Variants in ZNF560 observed in about 807,000 individuals in gnomAD.
ZNF560 encodes zinc finger protein 560.
In ZNF560, 54 loss-of-function variants were observed where a neutral mutation model predicts 81.8. The ratio of observed to expected loss-of-function variants is 0.66; its 90% confidence interval spans 0.53 to 0.83. The LOEUF is 0.83. ZNF560 is among the 40% of genes least tolerant of loss of function. The probability of loss-of-function intolerance (pLI) is 0.00; values close to 1 mark genes in which losing one functional copy is unlikely to be tolerated. For synonymous variants in ZNF560, 321 were observed against 317.9 expected (o/e 1.01, Z -0.10); for missense variants, 940 against 932.4 (o/e 1.01, Z -0.11).
intron 2 of ZNF560, among the ~76,000 whole-genome samples, chr19:9,497,534 CAAAAA>C (rs58468618): frequency 4.4e-5 from 3 of 67,554 alleles, no homozygotes; most frequent in African/African-American, 1.3e-4. Flanking sequence ...GACCCCCTCT[CAAAAA>C]AAAAAAAAAA....
At chr19:9,493,031 A>G (rs767776355) in intron 2 of ZNF560, among the ~76,000 whole-genome samples, 12 of 152,232 alleles carry the variant, frequency 7.9e-5, no homozygotes, top group African/African-American at 9.6e-5. Context: ...TAATCTATTA[A>G]CTGAAGGGAT....
At chr19:9,470,276 T>TCA in intron 7 of ZNF560, 116 bp downstream of exon 7, 1 of 1,401,524 alleles carries the variant, frequency 7.1e-7, no homozygotes, top group East Asian at 2.3e-5. Flanking sequence ...AAATTTTTTT[T>TCA]CAGTGTGTAT....
chr19:9,482,251 A>T (rs1032804713), intron 2 of ZNF560, among the ~76,000 whole-genome samples: 1 of 151,612 alleles, frequency 6.6e-6, no homozygotes, highest in African/African-American at 2.4e-5. Context: ...AGGGTGGGGA[A>T]TATCACACAC....
the ZNF560 span, among the ~76,000 whole-genome samples, chr19:9,455,448 T>A: frequency 6.6e-6 from 1 of 152,144 alleles, no homozygotes; most frequent in Admixed American, 6.5e-5. Flanking sequence ...ACCGACCAAC[T>A]TTTGAGAGTT....
rs141562027 is a variant in ZNF560 at position 9,467,352 on chromosome 19, C to G, written c.1595G>C (p.Arg532Pro). 1.9e-6 allele frequency: 3 copies of G among 1,613,892 alleles called. No individual in the cohort carries two copies. Among genetic ancestry groups the G allele is most frequent in the Non-Finnish European group, 2.5e-6 (3 of 1,180,018 alleles). Residue 532 changes from arginine (R) to proline (P), a missense_variant, in exon 10 of 10, where the codon CGT becomes CCT. Transcript: ENST00000301480. ...GKPFTSSACL[R>P]IHMRTHTEER... ...TTCTGTGTGAGTTCGCATGTGAATA[C>G]GAAGACAGGCAGAAGAGGTAAATGG...
chr19:9,451,804 G>A, the ZNF560 span, among the ~76,000 whole-genome samples: 1 of 152,174 alleles, frequency 6.6e-6, no homozygotes, highest in Non-Finnish European at 1.5e-5. Context: ...GTTTGGCGCA[G>A]TGTCTCACAC....
In ZNF560 at chr19:9,470,373, G is replaced by A. The variant is rs2073101949; in HGVS notation, c.448+19C>T. 6.3e-7 allele frequency: 1 copy of A among 1,596,730 alleles called. No homozygotes were observed. Among genetic ancestry groups the A allele is most frequent in the African/African-American group, 1.3e-5 (1 of 74,416 alleles). On this transcript the variant is annotated intron_variant, in intron 7 of 9. Transcript: ENST00000301480. ...TATCTTGTTCCAGAATAGGCTACAA[G>A]GGATGATGCCAGACTTACCTACTGA... is the stretch of plus-strand genomic sequence containing the variant.
chr19:9,457,547 T>C, the ZNF560 span, among the ~76,000 whole-genome samples: 1 of 152,234 alleles, frequency 6.6e-6, no homozygotes, highest in Non-Finnish European at 1.5e-5. Context: ...TGGATGATAT[T>C]CTTTGTGCTT....
At chr19:9,485,315 T>C (rs1295797675) in intron 2 of ZNF560, among the ~76,000 whole-genome samples, 8 of 152,094 alleles carry the variant, frequency 5.3e-5, no homozygotes, top group Non-Finnish European at 1.2e-4. Context: ...ACATTAAAAT[T>C]ATCATTCATA....
rs368545009 is a variant in ZNF560 at position 9,472,105 on chromosome 19, G to A, written c.239-727C>T. Among the ~76,000 whole-genome samples, 355 of 110,722 alleles carry A rather than the reference G, an allele frequency of 3.2e-3. 3 individuals are homozygous for A. The highest frequency in any genetic ancestry group is 0.01 in the African/African-American group (312 of 31,120). 72.6% of individuals were successfully genotyped at this position (110,722 alleles called of 152,430 possible). On this transcript the variant is annotated intron_variant, in intron 5 of 9. Coordinates refer to ENST00000301480, the MANE Select transcript of ZNF560 (RefSeq NM_152476.3). ...AGCCTGGGGGACAGAGTGAGACTCC[G>A]TCTCAAAAAAAAAAAAAAAAGTTCC... is the stretch of plus-strand genomic sequence containing the variant.
upstream of ZNF560, among the ~76,000 whole-genome samples, chr19:9,501,461 C>T (rs1167451570): frequency 4.0e-5 from 6 of 151,126 alleles, no homozygotes; most frequent in East Asian, 2.0e-4. Context: ...CGGGTTCAAG[C>T]GATTCTCCTG....
chr19:9,497,534 C>CAAAA (rs58468618), intron 2 of ZNF560, among the ~76,000 whole-genome samples: 3 of 67,546 alleles, frequency 4.4e-5, no homozygotes, highest in African/African-American at 4.5e-5. Flanking sequence ...GACCCCCTCT[C>CAAAA]AAAAAAAAAA....
At position 9,496,415 on chromosome 19, in the gene ZNF560, A is replaced by C. The variant is rs2073559120; in HGVS notation, c.-57+1713T>G. On this transcript the variant is annotated intron_variant, in intron 2 of 9. Transcript: ENST00000301480. Reference sequence around the variant, plus strand: ...TGTATTTTGTATTTTTAGTAGAGACAGGGATTCACCATCTTGGCCAGGTTG... The same window carrying C: ...TGTATTTTGTATTTTTAGTAGAGACCGGGATTCACCATCTTGGCCAGGTTG... 3.3e-5 allele frequency among the ~76,000 whole-genome samples: 5 copies of C among 151,772 alleles called. 1 individual carries two copies. The South Asian group carries it at 1.0e-3, about 32-fold the overall frequency.
At chr19:9,506,160 T>G in the ZNF560 span, among the ~76,000 whole-genome samples, 2 of 151,696 alleles carry the variant, frequency 1.3e-5, no homozygotes, top group South Asian at 2.1e-4. Context: ...GCCTGGGTGA[T>G]TTTTGTATTT....
the ZNF560 span, among the ~76,000 whole-genome samples, chr19:9,452,900 A>C: frequency 1.3e-5 from 2 of 152,246 alleles, no homozygotes; most frequent in African/African-American, 4.8e-5. Flanking sequence ...CCTGAACCTA[A>C]AGGTGAGAAA....
chr19:9,476,574 G>C (rs1403418284), intron 2 of ZNF560, among the ~76,000 whole-genome samples: 2 of 152,132 alleles, frequency 1.3e-5, no homozygotes, highest in Non-Finnish European at 2.9e-5. Flanking sequence ...ACAGATGTGA[G>C]CCACCGCGCC....
intron 5 of ZNF560, 57 bp from the exon 6 acceptor site, chr19:9,471,435 A>G (rs2073120960): frequency 1.6e-6 from 2 of 1,265,616 alleles, no homozygotes; most frequent in South Asian, 1.6e-5. Context: ...AGGTAAAATG[A>G]AAGAGTTAAA....
intron 5 of ZNF560, among the ~76,000 whole-genome samples, chr19:9,472,042 A>G (rs2161284): frequency 0.67 from 101,741 of 151,560 alleles, 35,056 homozygotes; most frequent in African/African-American, 0.82. Flanking sequence ...CCTGGGAGGC[A>G]TAGGTTGCGG....
upstream of ZNF560, among the ~76,000 whole-genome samples, chr19:9,501,247 C>T (rs1331804444): frequency 6.8e-5 from 10 of 146,334 alleles, no homozygotes; most frequent in Non-Finnish European, 1.3e-4. Flanking sequence ...GCAGTCTTGA[C>T]CACCACAGGC....
Sources: gnomAD v4.1 joint callset for allele counts (sites outside exome capture counted in the v4.1 genomes callset) on GRCh38, gnomAD v4.1.1 for gene constraint, MANE v1.5 for transcripts, NCBI Gene and HGNC (gene_info 2026-07-23, HGNC 2026-07-21) for gene names.